The following SLC9A4 variants were observed in gnomAD, a reference collection of about 807,000 sequenced individuals.
SLC9A4 encodes the protein sodium/hydrogen exchanger 4.
SLC9A4 carries 63 observed loss-of-function variants against 67.4 expected under a neutral mutation model. The observed-to-expected ratio is 0.93, with a 90% CI of 0.76 to 1.15. SLC9A4 has a LOEUF of 1.15. Ranked by LOEUF, SLC9A4 falls within the 50% of genes most tolerant of loss-of-function variation. The pLI is 0.00. For synonymous variants in SLC9A4, 393 were observed against 367.2 expected (o/e 1.07, Z -0.80); for missense variants, 1,089 against 987.7 (o/e 1.10, Z -1.38).
intron 2 of SLC9A4, among the ~76,000 whole-genome samples, chr2:102,501,530 C>T (rs7568122): frequency 0.71 from 107,389 of 151,708 alleles, 38,728 homozygotes; most frequent in Middle Eastern, 0.77. Flanking sequence ...CAGGCATGAG[C>T]CACCACGCCC....
chr2:102,509,273 A>G (rs1685109770), intron 6 of SLC9A4, among the ~76,000 whole-genome samples: 1 of 152,302 alleles, frequency 6.6e-6, no homozygotes, highest in Middle Eastern at 3.4e-3. Context: ...CCATCTTCAG[A>G]GCCTGCAAAG....
chr2:102,504,343 G>A (rs1685005586), intron 3 of SLC9A4, among the ~76,000 whole-genome samples: 1 of 152,190 alleles, frequency 6.6e-6, no homozygotes, highest in Admixed American at 6.5e-5. Context: ...AAGTTGAAGA[G>A]AGGCATGCAC....
At chr2:102,492,296 T>G (rs534646619) in intron 2 of SLC9A4, among the ~76,000 whole-genome samples, 1 of 152,344 alleles carries the variant, frequency 6.6e-6, no homozygotes, top group Non-Finnish European at 1.5e-5. Flanking sequence ...GGGCTCCAAC[T>G]CCACATTTTC....
chr2:102,528,756 A>G (rs1310765996), intron 11 of SLC9A4, among the ~76,000 whole-genome samples: 1 of 152,220 alleles, frequency 6.6e-6, no homozygotes, highest in East Asian at 1.9e-4. Context: ...ATTTGGAAAC[A>G]TACATATATT....
intron 8 of SLC9A4, among the ~76,000 whole-genome samples, chr2:102,519,591 C>G (rs769726755): frequency 6.6e-6 from 1 of 152,078 alleles, no homozygotes; most frequent in Admixed American, 6.5e-5. Context: ...AAAAAAATAA[C>G]TTGTTACCAC....
At chr2:102,518,193 C>A (rs4851610) in intron 8 of SLC9A4, among the ~76,000 whole-genome samples, 55 of 152,186 alleles carry the variant, frequency 3.6e-4, no homozygotes, top group African/African-American at 1.1e-3. Flanking sequence ...TTCGTCCCCC[C>A]CAAAGTGGTC....
intron 11 of SLC9A4, 110 bp downstream of exon 11, chr2:102,526,456 TG>T: frequency 1.1e-6 from 1 of 911,154 alleles, no homozygotes; most frequent in Non-Finnish European, 1.6e-6. Context: ...GTTACTTACA[TG>T]ATAAGAAAAA....
chr2:102,508,831 G>A lies in SLC9A4; in HGVS notation c.1402-16G>A. The A allele has an allele frequency of 5.6e-6, 9 of 1,597,626 alleles. No homozygotes were observed. Among genetic ancestry groups the A allele is most frequent in the Non-Finnish European group, 7.7e-6 (9 of 1,173,414 alleles). On this transcript the variant is annotated splice_polypyrimidine_tract_variant and intron_variant, in intron 5 of 11. Transcript: ENST00000295269. ...TCATTACAACAAAACCCTTTGTTTTGTTATTTCTGATCTAGGGAATCACAG... is the reference window on the plus strand; with the variant it reads ...TCATTACAACAAAACCCTTTGTTTTATTATTTCTGATCTAGGGAATCACAG...
intron 2 of SLC9A4, among the ~76,000 whole-genome samples, chr2:102,480,697 A>G (rs1161164525): frequency 6.6e-6 from 1 of 152,198 alleles, no homozygotes; most frequent in Non-Finnish European, 1.5e-5. Context: ...TGTACATTTA[A>G]CAATTTAAAA....
At chr2:102,501,050 T>C (rs56249513) in intron 2 of SLC9A4, among the ~76,000 whole-genome samples, 106,939 of 150,912 alleles carry the variant, frequency 0.71, 38,586 homozygotes, top group Middle Eastern at 0.77. Context: ...ACCTCGCCTC[T>C]CGGGTTCAAG....
At chr2:102,505,168 G>A in intron 3 of SLC9A4, 86 bp from the exon 4 acceptor site, 1 of 1,192,552 alleles carries the variant, frequency 8.4e-7, no homozygotes, top group Non-Finnish European at 1.2e-6. Context: ...CGGGCTTCAT[G>A]CATCTGTGGC....
chr2:102,514,339 G>A, intron 8 of SLC9A4, 88 bp downstream of exon 8: 1 of 799,188 alleles, frequency 1.3e-6, no homozygotes, highest in Non-Finnish European at 1.9e-6. Flanking sequence ...GGTATACGAG[G>A]AGTAAAGAGG....
chr2:102,479,333 G>A (rs548668322), intron 2 of SLC9A4, 31 bp downstream of exon 2: 1 of 1,568,480 alleles, frequency 6.4e-7, no homozygotes, highest in East Asian at 2.3e-5. Flanking sequence ...CCGGCTTCCG[G>A]GGGAGATGAG....
chr2:102,502,597 T>TCC (rs1295380401), intron 2 of SLC9A4, among the ~76,000 whole-genome samples: 1 of 152,178 alleles, frequency 6.6e-6, no homozygotes, highest in Non-Finnish European at 1.5e-5. Context: ...CTGGAGAAGG[T>TCC]GTGGACTGGC....
chr2:102,483,104 A>G (rs1330020948), intron 2 of SLC9A4, among the ~76,000 whole-genome samples: 1 of 152,200 alleles, frequency 6.6e-6, no homozygotes, highest in Non-Finnish European at 1.5e-5. Flanking sequence ...GGATAAAATC[A>G]TAATTTTCAA....
intron 9 of SLC9A4, 86 bp from the exon 10 acceptor site, chr2:102,524,938 T>C (rs1674627534): frequency 5.9e-6 from 9 of 1,536,536 alleles, no homozygotes; most frequent in Non-Finnish European, 8.0e-6. Context: ...TCTCCTGGTC[T>C]TAGGTTCCTG....
Position 102,526,283 on chromosome 2 carries a change from C to T in SLC9A4, c.1975C>T (p.Leu659Phe), listed in dbSNP as rs143648169. The change falls in exon 11 of 12, where the codon CTC becomes TTC. Residue 659 changes from leucine to phenylalanine, a missense_variant. Physicochemically the swap from Leu to Phe is conservative, Grantham distance 22. Coordinates refer to ENST00000295269, the MANE Select transcript of SLC9A4 (RefSeq NM_001011552.4). ...KPAGTKNIRY[L>F]SYPYGNPQSA... ...GGCTGGCACCAAGAATATCCGCTAC[C>T]TCTCCTACCCCTACGGGAATCCTCA... 6.2e-7 allele frequency: 1 copy of T among 1,613,728 alleles called. No individual in the cohort carries two copies. Among genetic ancestry groups the T allele is most frequent in the African/African-American group, 1.3e-5 (1 of 74,900 alleles).
At chr2:102,474,483 G>A (rs1195213196) in intron 1 of SLC9A4, among the ~76,000 whole-genome samples, 1 of 152,092 alleles carries the variant, frequency 6.6e-6, no homozygotes, top group African/African-American at 2.4e-5. Context: ...CTTGCAAATT[G>A]ACAGAAAGCA....
intron 6 of SLC9A4, among the ~76,000 whole-genome samples, chr2:102,510,359 T>C (rs1685141740): frequency 6.6e-6 from 1 of 152,112 alleles, no homozygotes; most frequent in African/African-American, 2.4e-5. Context: ...TAGGGCTGGC[T>C]AGGAAAGCCC....
Sources: gnomAD v4.1 joint callset for allele counts (sites outside exome capture counted in the v4.1 genomes callset) on GRCh38, gnomAD v4.1.1 for gene constraint, MANE v1.5 for transcripts, NCBI Gene and HGNC (gene_info 2026-07-23, HGNC 2026-07-21) for gene names.